Variants in KIAA1210 observed in about 807,000 individuals in gnomAD.
KIAA1210 encodes the protein KIAA1210.
A neutral mutation model predicts 78.9 loss-of-function variants in KIAA1210; 48 were observed. The observed-to-expected ratio is 0.61, with a 90% CI of 0.48 to 0.77. KIAA1210 has a LOEUF of 0.77. Ranked by LOEUF, KIAA1210 falls within the 30% of genes least tolerant of loss-of-function variation. KIAA1210 has a pLI of 0.00. For synonymous variants in KIAA1210, 406 were observed against 404.5 expected (o/e 1.00, Z -0.04); for missense variants, 1,108 against 1,100.0 (o/e 1.01, Z -0.10).
chrX:119,132,908 T>C (rs1050178965), intron 2 of KIAA1210, among the ~76,000 whole-genome samples: 8 of 112,040 alleles, frequency 7.1e-5, no homozygotes, highest in Non-Finnish European at 1.1e-4. Context: ...AGTGCTGGGA[T>C]TACAGGCATG....
At chrX:119,150,458 G>C (rs2147203944) in exon 1 of KIAA1210, 1 of 1,211,655 alleles carries the variant, frequency 8.3e-7, no homozygotes, top group Non-Finnish European at 1.1e-6. Flanking sequence ...TTGGGAATAC[G>C]CTCGACTTCC....
At chrX:119,133,291 G>A (rs951931536) in intron 2 of KIAA1210, among the ~76,000 whole-genome samples, 9 of 111,842 alleles carry the variant, frequency 8.0e-5, no homozygotes, top group East Asian at 2.8e-4. Context: ...TGGACACTCC[G>A]TAATGAAGAT....
intron 4 of KIAA1210, 85 bp downstream of exon 4, chrX:119,108,991 C>A: frequency 9.6e-7 from 1 of 1,044,470 alleles, no homozygotes; most frequent in East Asian, 3.1e-5. Flanking sequence ...ACCAAGTTCC[C>A]ACTCCTTTTA....
Position 119,089,178 on chromosome X carries a change from A to G in KIAA1210, c.1524T>C (p.Ile508=). 1 of 1,210,150 alleles carries G rather than the reference A, an allele frequency of 8.3e-7. No homozygotes were observed. The highest frequency in any genetic ancestry group is 1.1e-6 in the Non-Finnish European group (1 of 894,361). The change falls in exon 9 of 12, where the codon ATT becomes ATC. Residue 508 remains isoleucine (I), a synonymous_variant. Coordinates refer to ENST00000691062, the MANE Select transcript of KIAA1210 (RefSeq NM_001394962.1). The stretch of plus-strand genomic sequence containing the variant: ...CCTGAGCCTCTGCTGCTACTGAGAG[A>G]ATGGCCTCCTCTTGGGTTGTAGAAA... ...ESLSTTQEEA[I]LSVAAEAQVF... is the part of the protein sequence containing the mutation.
At chrX:119,127,988 C>G (rs1039120822), upstream of KIAA1210, among the ~76,000 whole-genome samples, 1 of 111,579 alleles carries the variant, frequency 9.0e-6, no homozygotes, top group Non-Finnish European at 1.9e-5. Context: ...TCTCTCCTCT[C>G]CCTGATTTTG....
At chrX:119,137,853 G>A (rs974216158) in intron 2 of KIAA1210, among the ~76,000 whole-genome samples, 3 of 112,012 alleles carry the variant, frequency 2.7e-5, no homozygotes, top group African/African-American at 9.7e-5. Flanking sequence ...GGAACAAAAA[G>A]CTGGAGTGTA....
intron 2 of KIAA1210, among the ~76,000 whole-genome samples, chrX:119,141,352 C>T (rs1185934357): frequency 9.0e-6 from 1 of 111,689 alleles, no homozygotes; most frequent in Non-Finnish European, 1.9e-5. Context: ...ATGACTTTAT[C>T]GACCTTCTGT....
intron 2 of KIAA1210, among the ~76,000 whole-genome samples, chrX:119,140,550 A>AG (rs1929026840): frequency 9.2e-6 from 1 of 108,488 alleles, no homozygotes; most frequent in Non-Finnish European, 1.9e-5. Flanking sequence ...AAAAAAAAAA[A>AG]AAAGCACAGG....
At position 119,086,707 on chromosome X, in the gene KIAA1210, A is replaced by C. The variant is rs1927147389; in HGVS notation, c.3995T>G (p.Ile1332Ser). The change falls in exon 9 of 12, where the codon ATT (isoleucine) becomes AGT (serine). Residue 1332 changes from isoleucine (I) to serine (S), a missense_variant. Coordinates refer to ENST00000691062, the MANE Select transcript of KIAA1210 (RefSeq NM_001394962.1). ...TQLASVPSGP[I>S]SSSVGRGHKI... ...ATGTCCCCTGCCTACAGAGGATGAA[A>C]TTGGGCCCGAGGGCACTGAAGCAAG... The C allele has an allele frequency of 8.3e-7, 1 of 1,209,606 alleles. No individual in the cohort carries two copies. Among genetic ancestry groups the C allele is most frequent in the African/African-American group, 1.8e-5 (1 of 57,083 alleles).
In KIAA1210 at chrX:119,086,556, G is replaced by T; in HGVS notation, c.4146C>A (p.Cys1382Ter). ...SESMAKKQPA[C>*]KTPGKPAGQQ... ...AGATAAAAGCCTTACCTGGGGTCTT[G>T]CAAGCAGGTTGCTTCTTGGCCATGC... The change falls in exon 9 of 12, where the codon TGC becomes TGA. Residue 1382 changes from cysteine (C) to a stop codon, truncating the protein, a stop_gained. Coordinates refer to ENST00000691062, the MANE Select transcript of KIAA1210 (RefSeq NM_001394962.1). LOFTEE classifies it high-confidence loss of function. 1 of 1,201,836 alleles carries T rather than the reference G, an allele frequency of 8.3e-7. No individual in the cohort carries two copies. The highest frequency in any genetic ancestry group is 1.1e-6 in the Non-Finnish European group (1 of 891,425).
chrX:119,108,070 G>A (rs1927944943), intron 5 of KIAA1210, among the ~76,000 whole-genome samples: 1 of 111,779 alleles, frequency 8.9e-6, no homozygotes. Context: ...TAATACACCT[G>A]GGTCAGATTT....
At position 119,108,455 on chromosome X, in the gene KIAA1210, C is replaced by A; in HGVS notation, c.374G>T (p.Arg125Ile). The A allele has an allele frequency of 2.5e-6, 3 of 1,208,366 alleles. No individual in the cohort carries two copies. The highest frequency in any genetic ancestry group is 3.4e-6 in the Non-Finnish European group (3 of 893,821). ...CTTACTCCTAGGTTTAGGCAGAGTT[C>A]TGGAAATATGGGATCTCTGTGTAAG... is the stretch of plus-strand genomic sequence containing the variant. ...GRPQQRSHIS[R>I]TLPKPRSKVP... Residue 125 changes from arginine (R) to isoleucine (I), a missense_variant, in exon 5 of 12, where the codon AGA (arginine) becomes ATA (isoleucine). This residue lies in a region of KIAA1210 where 672 missense variants were observed against 607.1 expected (regional missense o/e 1.11). Coordinates refer to ENST00000691062, the MANE Select transcript of KIAA1210 (RefSeq NM_001394962.1).
In KIAA1210 at chrX:119,096,531, A is replaced by G. The variant is rs1474314127; in HGVS notation, c.809T>C (p.Leu270Ser). 11 of 1,209,437 alleles carry G rather than the reference A, an allele frequency of 9.1e-6. No homozygotes were observed. The highest frequency in any genetic ancestry group is 1.2e-5 in the Non-Finnish European group (11 of 894,887). Residue 270 changes from leucine to serine, a missense_variant, in exon 7 of 12, where the codon TTA (leucine) becomes TCA (serine). Physicochemically the swap from Leu to Ser is moderately radical, Grantham distance 145. This residue lies in a region of KIAA1210 where 672 missense variants were observed against 607.1 expected (regional missense o/e 1.11). Coordinates refer to ENST00000691062, the MANE Select transcript of KIAA1210 (RefSeq NM_001394962.1). ...DSSAARHKMT[L>S]NPRKQKKNLQ... The stretch of plus-strand genomic sequence containing the variant: ...GTTCTTCTTTTGTTTGCGGGGATTT[A>G]AAGTCATTTTGTGGCGAGCAGCTGA...
intron 2 of KIAA1210, among the ~76,000 whole-genome samples, chrX:119,118,890 TA>T (rs777277311): frequency 5.2e-4 from 59 of 112,464 alleles, no homozygotes; most frequent in African/African-American, 1.9e-3. Flanking sequence ...CCCTATGTCT[TA>T]GCTACCGCCC....
chrX:119,113,725 TTAGG>T (rs1928158890), intron 3 of KIAA1210, among the ~76,000 whole-genome samples: 1 of 111,807 alleles, frequency 8.9e-6, no homozygotes, highest in Non-Finnish European at 1.9e-5. Context: ...GTTATTCCTG[TTAGG>T]TAGGAGAAAA....
At chrX:119,147,690 G>A (rs1425834035) in intron 1 of KIAA1210, 1 of 917,424 alleles carries the variant, frequency 1.1e-6, no homozygotes, top group African/African-American at 1.9e-5. Flanking sequence ...CCACAAGATG[G>A]CAATGTGTTA....
In KIAA1210 at chrX:119,096,564, A is replaced by G. The variant is rs1927562248; in HGVS notation, c.776T>C (p.Leu259Ser). 1 of 1,211,498 alleles carries G rather than the reference A, an allele frequency of 8.3e-7. No individual in the cohort carries two copies. Among genetic ancestry groups the G allele is most frequent in the African/African-American group, 1.7e-5 (1 of 57,829 alleles). ...FSTPATTQGC[L>S]DSSAARHKMT... is the part of the protein sequence containing the mutation. ...TTTGTGGCGAGCAGCTGAAGAATCCAAACAGCCCTGGGTGGTGGCTGGGGT... is the reference window on the plus strand; with the variant it reads ...TTTGTGGCGAGCAGCTGAAGAATCCGAACAGCCCTGGGTGGTGGCTGGGGT... The change falls in exon 7 of 12, where the codon TTG (leucine) becomes TCG (serine). Residue 259 changes from leucine to serine, a missense_variant. By Grantham distance (145) the Leu-to-Ser change is moderately radical. This residue lies in a region of KIAA1210 where 672 missense variants were observed against 607.1 expected (regional missense o/e 1.11). Coordinates refer to ENST00000691062, the MANE Select transcript of KIAA1210 (RefSeq NM_001394962.1).
In KIAA1210 at chrX:119,081,388, A is replaced by C. The variant is rs765921310; in HGVS notation, c.4543T>G (p.Phe1515Val). The change falls in exon 12 of 12, where the codon TTC (phenylalanine) becomes GTC (valine). Residue 1515 changes from phenylalanine (F) to valine (V), a missense_variant. Coordinates refer to ENST00000691062, the MANE Select transcript of KIAA1210 (RefSeq NM_001394962.1). The part of the protein sequence containing the change: ...NPVEPIEPVW[F>V]SLARKKAKAW... ...TTGGCTTTCTTCCTGGCCAGTGAGA[A>C]CCAGACAGGCTCAATTGGCTCAACT... 31 of 1,208,188 alleles carry C rather than the reference A, an allele frequency of 2.6e-5. No homozygotes were observed. The East Asian group carries it at 8.9e-4, about 35-fold the overall frequency.
intron 3 of KIAA1210, among the ~76,000 whole-genome samples, chrX:119,114,680 A>C (rs1047047775): frequency 9.0e-6 from 1 of 111,620 alleles, no homozygotes; most frequent in African/African-American, 3.3e-5. Flanking sequence ...GTGGGCTTAG[A>C]AATGTCTCTC....
Sources: allele counts gnomAD v4.1 joint callset (sites outside exome capture counted in the v4.1 genomes callset), GRCh38; gene constraint gnomAD v4.1.1; regional missense constraint gnomAD v4.1.1; transcripts MANE v1.5; gene names NCBI Gene and HGNC (gene_info 2026-07-23, HGNC 2026-07-21).